Variants in YTHDF3 observed in about 807,000 individuals in gnomAD.
The protein encoded by YTHDF3 is YTH N6-methyladenosine RNA binding protein F3.
A neutral mutation model predicts 52.5 loss-of-function variants in YTHDF3; 9 were observed. That is an observed-to-expected ratio of 0.17 (90% CI 0.10 to 0.30). YTHDF3 has a LOEUF of 0.30. Ranked by LOEUF, YTHDF3 falls within the 10% of genes least tolerant of loss-of-function variation. The pLI, the probability that YTHDF3 is intolerant of heterozygous loss-of-function variation, is 1.00. For synonymous variants in YTHDF3, 274 were observed against 243.3 expected (o/e 1.13, Z -1.18); for missense variants, 534 against 715.0 (o/e 0.75, Z 2.89).
chr8:63,194,125 A>G (rs1413527718), intron 4 of YTHDF3, among the ~76,000 whole-genome samples: 1 of 152,160 alleles, frequency 6.6e-6, no homozygotes, highest in Non-Finnish European at 1.5e-5. Context: ...AACAGAATAA[A>G]CTGTAGTTAG....
chr8:63,179,931 G>C (rs1308207258), intron 3 of YTHDF3, among the ~76,000 whole-genome samples: 1 of 150,314 alleles, frequency 6.7e-6, no homozygotes, highest in Non-Finnish European at 1.5e-5. Context: ...CCGGGCAGAG[G>C]CACCCCTCAC....
chr8:63,204,794 G>A (rs1292819104), intron 4 of YTHDF3, among the ~76,000 whole-genome samples: 1 of 152,106 alleles, frequency 6.6e-6, no homozygotes, highest in Admixed American at 6.5e-5. Context: ...GAATGCTATG[G>A]CCTTTTAGAT....
At chr8:63,169,274 A>G (rs1807112548) in intron 1 of YTHDF3, 113 bp from the exon 2 acceptor site, 12 of 1,414,282 alleles carry the variant, frequency 8.5e-6, no homozygotes, top group Non-Finnish European at 1.2e-5. Context: ...GTGGGTTTTT[A>G]CTCCTACGCG....
rs114115509 is a variant in YTHDF3 at position 63,200,822 on chromosome 8, A to G, written c.1735-8861A>G. On this transcript the variant is annotated intron_variant, in intron 4 of 4. Transcript: ENST00000539294. Reference sequence around the variant, plus strand: ...CAGGGTGTCAAGGTGAATTTTTAAGATGGGCCTTGAATGATAATATGTAGG... The same window carrying G: ...CAGGGTGTCAAGGTGAATTTTTAAGGTGGGCCTTGAATGATAATATGTAGG... 6.7e-3 allele frequency among the ~76,000 whole-genome samples: 1,018 copies of G among 152,338 alleles called. 15 individuals are homozygous for G. Among genetic ancestry groups the G allele is most frequent in the African/African-American group, 0.023 (971 of 41,578 alleles).
chr8:63,200,220 A>G (rs902943909), intron 4 of YTHDF3, among the ~76,000 whole-genome samples: 14 of 152,068 alleles, frequency 9.2e-5, no homozygotes, highest in Admixed American at 8.5e-4. Context: ...GGCTGCCTAT[A>G]CTGTGTTCCT....
Position 63,186,452 on chromosome 8 carries a change from A to G in YTHDF3, c.441A>G (p.Gln147=). ...GTSGSQGQST[Q]SSAYSSSYGY... ...GTGGATCTCAGGGACAATCAACACA[A>G]AGTTCTGCTTATAGTAGCAGTTATG... Residue 147 remains glutamine (Q), a synonymous_variant, in exon 4 of 5, where the codon CAA becomes CAG. Coordinates refer to ENST00000539294, the MANE Select transcript of YTHDF3 (RefSeq NM_152758.6). 1 of 1,613,986 alleles carries G rather than the reference A, an allele frequency of 6.2e-7. No homozygotes were observed. The highest frequency in any genetic ancestry group is 1.3e-5 in the African/African-American group (1 of 75,026).
At chr8:63,206,428 A>G (rs888667077) in intron 4 of YTHDF3, among the ~76,000 whole-genome samples, 1 of 151,476 alleles carries the variant, frequency 6.6e-6, no homozygotes. Flanking sequence ...GTATGATACC[A>G]CTCTCCTTTC....
chr8:63,177,522 C>T (rs185254315), intron 3 of YTHDF3, among the ~76,000 whole-genome samples: 6 of 152,210 alleles, frequency 3.9e-5, no homozygotes, highest in Non-Finnish European at 5.9e-5. Flanking sequence ...TCTCAGTTAA[C>T]GCTTATGGCA....
chr8:63,169,309 G>C, intron 1 of YTHDF3, 78 bp from the exon 2 acceptor site: 1 of 1,521,420 alleles, frequency 6.6e-7, no homozygotes, highest in Admixed American at 2.0e-5. Flanking sequence ...ACTTGTCTTT[G>C]ATAATGCCTT....
intron 2 of YTHDF3, chr8:63,172,908 T>A: frequency 2.2e-6 from 2 of 906,668 alleles, no homozygotes; most frequent in Non-Finnish European, 2.9e-6. Context: ...AGCTTGTCAT[T>A]AAGTAAATAT....
At chr8:63,188,869 A>G (rs1321030776) in intron 4 of YTHDF3, 3 of 150,914 alleles carry the variant, frequency 2.0e-5, no homozygotes, top group Non-Finnish European at 3.0e-5. Context: ...ACACGCCACC[A>G]TGCCTGCCAA....
At chr8:63,207,062 G>A (rs1468941664) in intron 4 of YTHDF3, among the ~76,000 whole-genome samples, 2 of 152,116 alleles carry the variant, frequency 1.3e-5, no homozygotes, top group Non-Finnish European at 2.9e-5. Flanking sequence ...AATGTGTTAA[G>A]TTCTCCTGCT....
rs142333823 is a variant in YTHDF3 at position 63,174,104 on chromosome 8, T to G, written c.50-1227T>G. Among the ~76,000 whole-genome samples, 1,270 of 152,312 alleles carry G rather than the reference T, an allele frequency of 8.3e-3. 20 individuals carry two copies. Among genetic ancestry groups the G allele is most frequent in the African/African-American group, 0.029 (1,199 of 41,580 alleles). On this transcript the variant is annotated intron_variant, in intron 2 of 4. Transcript: ENST00000539294. ...TGGGAAAATTTAAGGATAATAAAAA[T>G]GTTATATTACAGAGGAATACGCAAT...
intron 4 of YTHDF3, among the ~76,000 whole-genome samples, chr8:63,190,622 A>C (rs538989224): frequency 6.6e-6 from 1 of 152,334 alleles, no homozygotes; most frequent in South Asian, 2.1e-4. Context: ...CTCTTGTGCC[A>C]GTGACCAAAT....
At chr8:63,192,295 T>C (rs994932286) in intron 4 of YTHDF3, among the ~76,000 whole-genome samples, 6 of 152,310 alleles carry the variant, frequency 3.9e-5, no homozygotes, top group African/African-American at 1.4e-4. Flanking sequence ...GTTCAGTTAT[T>C]TGTCTCAGAA....
intron 2 of YTHDF3, 70 bp downstream of exon 2, chr8:63,169,481 T>C: frequency 6.7e-7 from 1 of 1,499,788 alleles, no homozygotes; most frequent in South Asian, 1.2e-5. Flanking sequence ...TCTGTGAGGG[T>C]ATTTTGTTTG....
At chr8:63,200,379 G>A (rs1235215609) in intron 4 of YTHDF3, among the ~76,000 whole-genome samples, 1 of 151,682 alleles carries the variant, frequency 6.6e-6, no homozygotes, top group Non-Finnish European at 1.5e-5. Context: ...CTGTCGCCTC[G>A]GCTGAATTTT....
chr8:63,187,540 A>G lies in YTHDF3; in HGVS notation c.1529A>G (p.Asp510Gly). The G allele has an allele frequency of 6.2e-7, 1 of 1,614,038 alleles. No homozygotes were observed. The highest frequency in any genetic ancestry group is 8.5e-7 in the Non-Finnish European group (1 of 1,179,884). The change falls in exon 4 of 5, where the codon GAT (aspartate) becomes GGT (glycine). Residue 510 changes from aspartate (D) to glycine (G), a missense_variant. Coordinates refer to ENST00000539294, the MANE Select transcript of YTHDF3 (RefSeq NM_152758.6). ...GAAGTTAAATGGATCTTTGTCAAAGATGTTCCCAATAACCAATTACGGCAT... is the reference window on the plus strand; with the variant it reads ...GAAGTTAAATGGATCTTTGTCAAAGGTGTTCCCAATAACCAATTACGGCAT... ...KFEVKWIFVKDVPNNQLRHIR... is the reference protein window; with the variant it reads ...KFEVKWIFVKGVPNNQLRHIR...
intron 4 of YTHDF3, among the ~76,000 whole-genome samples, chr8:63,191,233 C>T (rs1190254399): frequency 6.6e-6 from 1 of 152,054 alleles, no homozygotes; most frequent in African/African-American, 2.4e-5. Context: ...ATATTGTTTT[C>T]TGTAATCCTT....
Sources: gnomAD v4.1 joint callset for allele counts (sites outside exome capture counted in the v4.1 genomes callset) on GRCh38, gnomAD v4.1.1 for gene constraint, MANE v1.5 for transcripts, NCBI Gene and HGNC (gene_info 2026-07-23, HGNC 2026-07-21) for gene names.